The following FBXL7 variants were observed in gnomAD, a reference collection of about 807,000 sequenced individuals.
FBXL7 encodes F-box and leucine rich repeat protein 7, also known as F-box/LRR-repeat protein 7.
In FBXL7, 12 loss-of-function variants were observed where a neutral mutation model predicts 38.3. The observed-to-expected ratio is 0.31, with a 90% CI of 0.20 to 0.51. The LOEUF (loss-of-function observed/expected upper bound fraction) is 0.51, where lower values mean the gene tolerates loss of function less well. Ranked by LOEUF, FBXL7 falls within the 20% of genes least tolerant of loss-of-function variation. FBXL7 has a pLI of 0.98. For missense variants in FBXL7, 567 were observed against 676.4 expected, an observed-to-expected ratio of 0.84 and a Z score of 1.79; for synonymous variants, 297 against 300.9, an observed-to-expected ratio of 0.99 and a Z score of 0.13.
chr5:15,620,399 A>ATTTTTT (rs1278504178), intron 2 of FBXL7, among the ~76,000 whole-genome samples: 1 of 133,362 alleles, frequency 7.5e-6, no homozygotes, highest in African/African-American at 3.0e-5. Context: ...CGCCCAGCTA[A>ATTTTTT]TTTTTTGTTT....
chr5:15,901,532 C>T (rs1265320015), intron 2 of FBXL7, among the ~76,000 whole-genome samples: 6 of 152,140 alleles, frequency 3.9e-5, no homozygotes, highest in African/African-American at 7.2e-5. Flanking sequence ...ACCAAAAGTT[C>T]CTTCCCTTGT....
intron 2 of FBXL7, among the ~76,000 whole-genome samples, chr5:15,897,838 G>A (rs1294297725): frequency 2.6e-5 from 4 of 152,116 alleles, no homozygotes; most frequent in African/African-American, 7.2e-5. Flanking sequence ...TGGATGGATA[G>A]CAGCTGTGTT....
At chr5:15,608,319 G>T (rs1326352078) in intron 1 of FBXL7, among the ~76,000 whole-genome samples, 1 of 151,994 alleles carries the variant, frequency 6.6e-6, no homozygotes, top group Non-Finnish European at 1.5e-5. Flanking sequence ...CCCCATTTTT[G>T]GTAGAGCTAA....
chr5:15,746,281 G>A lies in FBXL7; in HGVS notation c.127+130209G>A, dbSNP rs151298424. 4.3e-3 allele frequency among the ~76,000 whole-genome samples: 657 copies of A among 152,290 alleles called. 7 individuals are homozygous for A. The highest frequency in any genetic ancestry group is 6.8e-3 in the Non-Finnish European group (465 of 68,018). ...TGCTTTTAAGACATCCAAGGGGAGCGGTAGAGTCGGCAGTTGGATATTTGA... is the reference window on the plus strand; with the variant it reads ...TGCTTTTAAGACATCCAAGGGGAGCAGTAGAGTCGGCAGTTGGATATTTGA... On this transcript the variant is annotated intron_variant, in intron 2 of 3. Coordinates refer to ENST00000504595, the MANE Select transcript of FBXL7 (RefSeq NM_012304.5).
intron 1 of FBXL7, among the ~76,000 whole-genome samples, chr5:15,545,691 T>A (rs1347974713): frequency 6.6e-6 from 1 of 152,260 alleles, no homozygotes; most frequent in Non-Finnish European, 1.5e-5. Flanking sequence ...AAACAGATGT[T>A]GCTCTTTATA....
At chr5:15,505,714 C>A (rs1048963923) in intron 1 of FBXL7, among the ~76,000 whole-genome samples, 2 of 152,310 alleles carry the variant, frequency 1.3e-5, no homozygotes, top group Non-Finnish European at 2.9e-5. Context: ...ATGAGCCTTA[C>A]TGAAAAGTTG....
intron 2 of FBXL7, among the ~76,000 whole-genome samples, chr5:15,768,613 G>T (rs571461408): frequency 6.6e-6 from 1 of 152,260 alleles, no homozygotes; most frequent in East Asian, 1.9e-4. Context: ...AGAACCACCA[G>T]TGGAAAGAAA....
intron 2 of FBXL7, among the ~76,000 whole-genome samples, chr5:15,797,092 A>G (rs1216109592): frequency 6.6e-6 from 1 of 152,236 alleles, no homozygotes. Context: ...GTTTCAAAAA[A>G]ATGTGACATA....
chr5:15,500,819 C>A, intron 1 of FBXL7, 106 bp downstream of exon 1: 3 of 1,356,350 alleles, frequency 2.2e-6, no homozygotes, highest in Non-Finnish European at 3.1e-6. Context: ...GTGACGCACC[C>A]CATTTGGCAC....
intron 2 of FBXL7, among the ~76,000 whole-genome samples, chr5:15,788,242 A>G (rs1260376571): frequency 6.6e-6 from 1 of 152,148 alleles, no homozygotes; most frequent in Non-Finnish European, 1.5e-5. Flanking sequence ...AGAAGGTCGC[A>G]TCCTGAGGCT....
chr5:15,636,928 A>G (rs1741204354), intron 2 of FBXL7, among the ~76,000 whole-genome samples: 1 of 151,268 alleles, frequency 6.6e-6, no homozygotes, highest in Non-Finnish European at 1.5e-5. Context: ...GTGCATTTTC[A>G]TCAGGATGAA....
At chr5:15,816,752 T>C (rs1487336399) in intron 2 of FBXL7, among the ~76,000 whole-genome samples, 1 of 152,230 alleles carries the variant, frequency 6.6e-6, no homozygotes, top group Non-Finnish European at 1.5e-5. Flanking sequence ...GTATTTAACC[T>C]CTGAACTTTT....
chr5:15,655,445 G>A (rs1741843909), intron 2 of FBXL7, among the ~76,000 whole-genome samples: 1 of 151,034 alleles, frequency 6.6e-6, no homozygotes, highest in South Asian at 2.1e-4. Flanking sequence ...AGTGAGCCGA[G>A]ATCTCGTCAC....
In FBXL7 at chr5:15,722,112, C is replaced by T. The variant is rs540000735; in HGVS notation, c.127+106040C>T. 5.3e-5 allele frequency among the ~76,000 whole-genome samples: 8 copies of T among 152,280 alleles called. No individual in the cohort carries two copies. The South Asian group carries it at 1.0e-3, about 20-fold the overall frequency. On this transcript the variant is annotated intron_variant, in intron 2 of 3. Transcript: ENST00000504595. ...CCTCCTAAAGTGCTGAGATTACAGG[C>T]GTGAGCCATCACGCCCGGCCAAGAA...
chr5:15,665,500 G>A (rs147541451), intron 2 of FBXL7, among the ~76,000 whole-genome samples: 32 of 152,140 alleles, frequency 2.1e-4, no homozygotes, highest in Admixed American at 3.3e-4. Context: ...TCTTAGATGG[G>A]GTTTACAATT....
At position 15,626,572 on chromosome 5, in the gene FBXL7, G is replaced by A. The variant is rs113740700; in HGVS notation, c.127+10500G>A. On this transcript the variant is annotated intron_variant, in intron 2 of 3. Coordinates refer to ENST00000504595, the MANE Select transcript of FBXL7 (RefSeq NM_012304.5). Reference sequence around the variant, plus strand: ...TGTGTGTGTGTGTGTGTGTGTGTGTGTATGTGTACACCATGCACTTAAGGA... The same window carrying A: ...TGTGTGTGTGTGTGTGTGTGTGTGTATATGTGTACACCATGCACTTAAGGA... 1.6e-3 allele frequency among the ~76,000 whole-genome samples: 239 copies of A among 151,704 alleles called. 1 individual carries two copies. Among genetic ancestry groups the A allele is most frequent in the African/African-American group, 5.2e-3 (216 of 41,202 alleles).
chr5:15,663,338 G>A (rs930858943), intron 2 of FBXL7, among the ~76,000 whole-genome samples: 3 of 152,220 alleles, frequency 2.0e-5, no homozygotes, highest in African/African-American at 4.8e-5. Context: ...AGTGATTTTT[G>A]TACATACATT....
At chr5:15,739,644 A>C (rs1735844446) in intron 2 of FBXL7, among the ~76,000 whole-genome samples, 1 of 152,214 alleles carries the variant, frequency 6.6e-6, no homozygotes. Flanking sequence ...GAATCATGGA[A>C]TATATGATTT....
At chr5:15,699,185 G>A (rs964279832) in intron 2 of FBXL7, among the ~76,000 whole-genome samples, 2 of 152,026 alleles carry the variant, frequency 1.3e-5, no homozygotes, top group African/African-American at 4.8e-5. Flanking sequence ...TATAATTGGG[G>A]GGTATGTTCA....
Sources: gnomAD v4.1 joint callset for allele counts (sites outside exome capture counted in the v4.1 genomes callset) on GRCh38, gnomAD v4.1.1 for gene constraint, MANE v1.5 for transcripts, NCBI Gene and HGNC (gene_info 2026-07-23, HGNC 2026-07-21) for gene names.